Variants in PTPRT observed in about 807,000 individuals in gnomAD.
The protein encoded by PTPRT is receptor-type tyrosine-protein phosphatase T.
Under a neutral mutation model 176.8 loss-of-function variants are expected in PTPRT, and 56 were observed. The ratio of observed to expected loss-of-function variants is 0.32; its 90% CI spans 0.26 to 0.40. PTPRT has a LOEUF of 0.40. PTPRT is among the 10% of genes least tolerant of loss of function. The pLI, the probability that PTPRT is intolerant of heterozygous loss-of-function variation, is 1.00. For missense variants in PTPRT, 1,540 were observed against 1,908.2 expected (o/e 0.81, Z 3.60); for synonymous variants, 783 against 739.0 (o/e 1.06, Z -0.96).
intron 13 of PTPRT, among the ~76,000 whole-genome samples, chr20:42,260,011 G>T (rs904785733): frequency 1.3e-5 from 2 of 152,200 alleles, no homozygotes; most frequent in African/African-American, 4.8e-5. Context: ...GCTATAGCAA[G>T]GTGCTGAGCA....
chr20:42,356,452 T>C (rs1335694999), intron 9 of PTPRT, among the ~76,000 whole-genome samples: 1 of 152,048 alleles, frequency 6.6e-6, no homozygotes, highest in Admixed American at 6.5e-5. Flanking sequence ...CCCAGCACTC[T>C]GGGAGGCTGA....
intron 1 of PTPRT, among the ~76,000 whole-genome samples, chr20:42,958,450 GAAA>G (rs1276309838): frequency 3.9e-5 from 5 of 129,714 alleles, no homozygotes; most frequent in East Asian, 2.5e-4. Context: ...GGGTGAGGAG[GAAA>G]GGAGGGGGGA....
intron 6 of PTPRT, among the ~76,000 whole-genome samples, chr20:42,715,932 A>G (rs1412743625): frequency 1.3e-5 from 2 of 152,246 alleles, no homozygotes; most frequent in Non-Finnish European, 2.9e-5. Context: ...CCATGTGCAA[A>G]TCCAGAGATA....
chr20:42,140,975 C>T (rs1988595415), intron 18 of PTPRT, among the ~76,000 whole-genome samples: 1 of 152,110 alleles, frequency 6.6e-6, no homozygotes, highest in South Asian at 2.1e-4. Flanking sequence ...AGTAACTTTC[C>T]CAGGGCCCTA....
intron 9 of PTPRT, among the ~76,000 whole-genome samples, chr20:42,362,097 C>CA (rs1282641416): frequency 6.6e-6 from 1 of 151,936 alleles, no homozygotes; most frequent in Non-Finnish European, 1.5e-5. Context: ...TCCATCTCCA[C>CA]AAAAAATTTT....
intron 1 of PTPRT, among the ~76,000 whole-genome samples, chr20:43,084,008 G>A (rs1474146099): frequency 6.6e-6 from 1 of 152,178 alleles, no homozygotes; most frequent in African/African-American, 2.4e-5. Flanking sequence ...GCATTGGATG[G>A]ATGTGCCATG....
intron 9 of PTPRT, among the ~76,000 whole-genome samples, chr20:42,413,318 G>C (rs1235333777): frequency 6.6e-6 from 1 of 152,068 alleles, no homozygotes; most frequent in Non-Finnish European, 1.5e-5. Flanking sequence ...TCTCCCCAAA[G>C]CACCAGGACA....
intron 9 of PTPRT, among the ~76,000 whole-genome samples, chr20:42,386,880 AG>A (rs1349837555): frequency 9.2e-5 from 14 of 152,278 alleles, no homozygotes; most frequent in Non-Finnish European, 1.8e-4. Flanking sequence ...ACAAAAAAAA[AG>A]AATTATTATC....
At chr20:42,464,345 GATA>G (rs1250248429) in intron 8 of PTPRT, among the ~76,000 whole-genome samples, 2 of 152,136 alleles carry the variant, frequency 1.3e-5, no homozygotes, top group Non-Finnish European at 2.9e-5. Flanking sequence ...CTCAAAGAGA[GATA>G]ATAAAGTAAT....
At chr20:42,206,142 G>A (rs2055453884) in intron 15 of PTPRT, among the ~76,000 whole-genome samples, 1 of 152,190 alleles carries the variant, frequency 6.6e-6, no homozygotes, top group Non-Finnish European at 1.5e-5. Context: ...AATTCAGTCT[G>A]TGGTACACAT....
intron 1 of PTPRT, among the ~76,000 whole-genome samples, chr20:43,127,850 T>C (rs143105966): frequency 8.2e-4 from 125 of 152,326 alleles, no homozygotes; most frequent in Middle Eastern, 3.4e-3. Flanking sequence ...GTGAAGCCCA[T>C]TCCTTCCATG....
intron 1 of PTPRT, among the ~76,000 whole-genome samples, chr20:43,125,982 G>A (rs1384408889): frequency 6.6e-6 from 1 of 152,222 alleles, no homozygotes; most frequent in Non-Finnish European, 1.5e-5. Flanking sequence ...AGGCATTTGG[G>A]AGAAGGTTTG....
At chr20:42,138,024 A>G (rs1988452749) in intron 18 of PTPRT, among the ~76,000 whole-genome samples, 1 of 152,242 alleles carries the variant, frequency 6.6e-6, no homozygotes, top group African/African-American at 2.4e-5. Flanking sequence ...AAGATTGGAC[A>G]TTCTCAAAGT....
At chr20:42,993,060 T>C (rs1269474366) in intron 1 of PTPRT, among the ~76,000 whole-genome samples, 1 of 151,770 alleles carries the variant, frequency 6.6e-6, no homozygotes, top group African/African-American at 2.4e-5. Flanking sequence ...CAGTCATGAG[T>C]TTCAAGGGGA....
At chr20:42,730,289 C>G (rs58351796) in intron 6 of PTPRT, among the ~76,000 whole-genome samples, 3,040 of 152,122 alleles carry the variant, frequency 0.02, 106 homozygotes, top group African/African-American at 0.069. Flanking sequence ...AATAAGACCA[C>G]CAAAAGGGAA....
At chr20:42,147,768 T>TG (rs1453275876) in intron 17 of PTPRT, among the ~76,000 whole-genome samples, 1 of 152,100 alleles carries the variant, frequency 6.6e-6, no homozygotes, top group Non-Finnish European at 1.5e-5. Flanking sequence ...TCTCCCTTAG[T>TG]GGGGGCTGAA....
chr20:42,400,293 C>T (rs1216026824), intron 9 of PTPRT, among the ~76,000 whole-genome samples: 3 of 151,524 alleles, frequency 2.0e-5, no homozygotes, highest in Non-Finnish European at 4.4e-5. Context: ...CAAGCATGAC[C>T]CTAGACAAGC....
At chr20:42,605,872 G>A (rs932457183) in intron 7 of PTPRT, among the ~76,000 whole-genome samples, 30 of 152,150 alleles carry the variant, frequency 2.0e-4, no homozygotes, top group African/African-American at 7.2e-4. Flanking sequence ...CCAGGGCCCT[G>A]GCCCTAGAGT....
At chr20:42,289,776 A>G (rs1374721760) in intron 12 of PTPRT, among the ~76,000 whole-genome samples, 1 of 152,092 alleles carries the variant, frequency 6.6e-6, no homozygotes, top group African/African-American at 2.4e-5. Context: ...AGTTTCGTGC[A>G]GGAAAATGAG....
Sources: allele counts gnomAD v4.1 joint callset (sites outside exome capture counted in the v4.1 genomes callset), GRCh38; gene constraint gnomAD v4.1.1; transcripts MANE v1.5; gene names NCBI Gene and HGNC (gene_info 2026-07-23, HGNC 2026-07-21).